Variants in ITGB6 observed in about 807,000 individuals in gnomAD.
The protein encoded by ITGB6 is integrin subunit beta 6.
Under a neutral mutation model 84.5 loss-of-function variants are expected in ITGB6, and 80 were observed. That is an observed-to-expected ratio of 0.95 (90% CI 0.79 to 1.14). The LOEUF is 1.14. Ranked by LOEUF, ITGB6 falls within the 50% of genes most tolerant of loss-of-function variation. The pLI is 0.00. For synonymous variants in ITGB6, 383 were observed against 354.9 expected (o/e 1.08, Z -0.89); for missense variants, 1,006 against 968.0 (o/e 1.04, Z -0.52).
Position 160,137,581 on chromosome 2 carries a change from C to A in ITGB6, c.1513G>T (p.Ala505Ser), listed in dbSNP as rs909210743. 6.2e-7 allele frequency: 1 copy of A among 1,614,102 alleles called. No homozygotes were observed. Residue 505 changes from alanine (A) to serine (S), a missense_variant, in exon 10 of 15, where the codon GCC (alanine) becomes TCC (serine). Transcript: ENST00000283249. ...CCGCTGCAGGAGGGATGATCTGGGG[C>A]CTCCTTGCAGGAATCTGTGCTCAGC... ...DMLSTDSCKE[A>S]PDHPSCSGRG...
chr2:160,164,699 A>C (rs1684939810), intron 7 of ITGB6, among the ~76,000 whole-genome samples: 1 of 148,648 alleles, frequency 6.7e-6, no homozygotes, highest in Non-Finnish European at 1.5e-5. Flanking sequence ...CTCTCTCAAG[A>C]AAAAAAAAAA....
intron 4 of ITGB6, among the ~76,000 whole-genome samples, chr2:160,194,624 T>C (rs1156296749): frequency 6.6e-6 from 1 of 152,118 alleles, no homozygotes; most frequent in African/African-American, 2.4e-5. Flanking sequence ...GAAGGCTGAA[T>C]GAGGTCATGT....
At chr2:160,173,698 T>G (rs577029273) in intron 5 of ITGB6, among the ~76,000 whole-genome samples, 2 of 152,296 alleles carry the variant, frequency 1.3e-5, no homozygotes, top group African/African-American at 4.8e-5. Context: ...CTGATCTTGA[T>G]CTTTGAAAAT....
chr2:160,147,166 A>C (rs1684229505), intron 7 of ITGB6, among the ~76,000 whole-genome samples: 1 of 151,942 alleles, frequency 6.6e-6, no homozygotes, highest in Admixed American at 6.6e-5. Context: ...GAAAGAAAGA[A>C]ATGAAAGAAA....
chr2:160,159,661 C>A (rs1430493820), intron 7 of ITGB6, among the ~76,000 whole-genome samples: 1 of 152,138 alleles, frequency 6.6e-6, no homozygotes, highest in East Asian at 1.9e-4. Context: ...ACACTGGGAA[C>A]TGAGTCCTTT....
At chr2:160,171,613 C>G (rs375394996) in intron 6 of ITGB6, among the ~76,000 whole-genome samples, 3 of 152,158 alleles carry the variant, frequency 2.0e-5, no homozygotes, top group Non-Finnish European at 4.4e-5. Flanking sequence ...GGATTATAGG[C>G]GTGAGCCAAC....
intron 7 of ITGB6, among the ~76,000 whole-genome samples, chr2:160,162,387 TAC>T (rs913177962): frequency 3.9e-5 from 6 of 152,158 alleles, no homozygotes; most frequent in African/African-American, 1.4e-4. Flanking sequence ...TGTATATATA[TAC>T]ACACACACAT....
At chr2:160,134,171 G>A (rs1226121443) in intron 10 of ITGB6, among the ~76,000 whole-genome samples, 3 of 152,038 alleles carry the variant, frequency 2.0e-5, no homozygotes, top group Non-Finnish European at 4.4e-5. Flanking sequence ...GACTAATAAA[G>A]AAGAAAAGAG....
At chr2:160,131,072 T>TAACAAC (rs370387887) in intron 10 of ITGB6, among the ~76,000 whole-genome samples, 18 of 151,832 alleles carry the variant, frequency 1.2e-4, no homozygotes, top group Admixed American at 3.9e-4. Flanking sequence ...GTTCATACAA[T>TAACAAC]AACAACAACA....
Position 160,137,786 on chromosome 2 carries a change from C to T in ITGB6, c.1308G>A (p.Lys436=). ...CCAGGGCATCCCCCAGCCCCACAGG[C>T]TTTATGATAATGTGCCTGCTTCTTC... The part of the protein sequence containing the change: ...CERRSRHIII[K]PVGLGDALEL... Residue 436 remains lysine (K), a synonymous_variant, in exon 10 of 15, where the codon AAG becomes AAA. Coordinates refer to ENST00000283249, the MANE Select transcript of ITGB6 (RefSeq NM_000888.5). 1 of 1,614,158 alleles carries T rather than the reference C, an allele frequency of 6.2e-7. No homozygotes were observed. Among genetic ancestry groups the T allele is most frequent in the Non-Finnish European group, 8.5e-7 (1 of 1,180,018 alleles).
At chr2:160,160,885 T>A (rs1309422445) in intron 7 of ITGB6, among the ~76,000 whole-genome samples, 1 of 152,158 alleles carries the variant, frequency 6.6e-6, no homozygotes, top group African/African-American at 2.4e-5. Context: ...AGTGCCCTTG[T>A]GCTGTGAGAC....
At chr2:160,161,266 A>C (rs1402735345) in intron 7 of ITGB6, among the ~76,000 whole-genome samples, 2 of 152,192 alleles carry the variant, frequency 1.3e-5, no homozygotes, top group Non-Finnish European at 2.9e-5. Flanking sequence ...GTATAACTAC[A>C]TGCAATTTAA....
At chr2:160,191,760 A>G (rs574599882) in intron 4 of ITGB6, among the ~76,000 whole-genome samples, 13 of 152,292 alleles carry the variant, frequency 8.5e-5, no homozygotes, top group Non-Finnish European at 1.8e-4. Flanking sequence ...ATACACAGAA[A>G]ATTCTAAGGA....
At chr2:160,196,806 A>T (rs956977512) in intron 2 of ITGB6, among the ~76,000 whole-genome samples, 3 of 152,064 alleles carry the variant, frequency 2.0e-5, no homozygotes, top group Non-Finnish European at 2.9e-5. Context: ...CCATGAATTT[A>T]TCTGCTCAGG....
At chr2:160,136,029 GC>G (rs1416078646) in intron 10 of ITGB6, among the ~76,000 whole-genome samples, 2 of 152,286 alleles carry the variant, frequency 1.3e-5, no homozygotes, top group African/African-American at 2.4e-5. Context: ...AAAAGCAATG[GC>G]AACAAAAGCC....
chr2:160,114,167 T>C (rs1265966277), intron 12 of ITGB6, among the ~76,000 whole-genome samples: 1 of 152,208 alleles, frequency 6.6e-6, no homozygotes, highest in African/African-American at 2.4e-5. Flanking sequence ...ATATGATCTT[T>C]GAGTCACAAC....
chr2:160,185,293 A>C (rs1685849841), intron 4 of ITGB6, among the ~76,000 whole-genome samples: 1 of 152,240 alleles, frequency 6.6e-6, no homozygotes, highest in African/African-American at 2.4e-5. Context: ...CTCAGGATAC[A>C]AAATCAATGT....
intron 4 of ITGB6, among the ~76,000 whole-genome samples, chr2:160,190,997 A>T (rs1457099852): frequency 6.6e-6 from 1 of 152,164 alleles, no homozygotes; most frequent in African/African-American, 2.4e-5. Context: ...ATGGAAGCTT[A>T]TTGTAGGGGA....
chr2:160,135,431 A>G (rs1683667778), intron 10 of ITGB6, among the ~76,000 whole-genome samples: 1 of 149,908 alleles, frequency 6.7e-6, no homozygotes, highest in Non-Finnish European at 1.5e-5. Context: ...AGAACATTCC[A>G]TGCTCATGGG....
Sources: gnomAD v4.1 joint callset for allele counts (sites outside exome capture counted in the v4.1 genomes callset) on GRCh38, gnomAD v4.1.1 for gene constraint, MANE v1.5 for transcripts, NCBI Gene and HGNC (gene_info 2026-07-23, HGNC 2026-07-21) for gene names.